SV2C: variants seen among roughly 807,000 people sequenced by gnomAD.
SV2C encodes synaptic vesicle glycoprotein 2C.
SV2C carries 49 observed loss-of-function variants against 79.7 expected under a neutral mutation model. That is an observed-to-expected ratio of 0.61 (90% CI 0.49 to 0.78). SV2C has a LOEUF of 0.78. Among genes scored for constraint, SV2C ranks in the 30% least tolerant of loss-of-function variants. The pLI, the probability that SV2C is intolerant of heterozygous loss-of-function variation, is 0.00. For missense variants in SV2C, 833 were observed against 912.9 expected (o/e 0.91, Z 1.13); for synonymous variants, 334 against 333.2 (o/e 1.00, Z -0.03).
chr5:76,028,915 C>T, the SV2C span, among the ~76,000 whole-genome samples: 1 of 152,300 alleles, frequency 6.6e-6, no homozygotes, highest in Admixed American at 6.5e-5. Context: ...AGTATAGTTG[C>T]AGATTAAATC....
chr5:75,910,950 C>A, the SV2C span: 1 of 912,878 alleles, frequency 1.1e-6, no homozygotes. Context: ...AGCAGGCTCT[C>A]TTTAGTCATT....
chr5:76,321,315 G>T (rs1193805748), intron 12 of SV2C, among the ~76,000 whole-genome samples: 2 of 151,982 alleles, frequency 1.3e-5, no homozygotes, highest in East Asian at 3.9e-4. Context: ...AAAAAACAAG[G>T]TATCCAAAAA....
chr5:76,094,348 T>C (rs1313654977), intron 1 of SV2C, among the ~76,000 whole-genome samples: 1 of 152,204 alleles, frequency 6.6e-6, no homozygotes, highest in Non-Finnish European at 1.5e-5. Context: ...CCAGAGACAC[T>C]GTCCTAATTT....
At chr5:76,295,969 T>G in intron 9 of SV2C, 27 bp downstream of exon 9, 1 of 1,535,592 alleles carries the variant, frequency 6.5e-7, no homozygotes, top group Non-Finnish European at 8.7e-7. Flanking sequence ...TAATTTAATT[T>G]GCTACCTATT....
At chr5:75,995,368 A>G in the SV2C span, among the ~76,000 whole-genome samples, 10 of 152,236 alleles carry the variant, frequency 6.6e-5, no homozygotes, top group African/African-American at 2.2e-4. Flanking sequence ...GCTACCTTCA[A>G]CTAAACTGAG....
chr5:76,175,109 C>T (rs535759872), intron 2 of SV2C, among the ~76,000 whole-genome samples: 25 of 152,160 alleles, frequency 1.6e-4, no homozygotes, highest in Non-Finnish European at 3.4e-4. Flanking sequence ...AAACACTACA[C>T]GGAAAAGAGA....
the SV2C span, among the ~76,000 whole-genome samples, chr5:76,053,590 A>C: frequency 0.06 from 9,089 of 152,276 alleles, 888 homozygotes; most frequent in African/African-American, 0.2. Context: ...AATAAAAGAA[A>C]AAAAAGATTC....
intron 4 of SV2C, among the ~76,000 whole-genome samples, chr5:76,283,748 G>A (rs1300728784): frequency 6.6e-6 from 1 of 152,150 alleles, no homozygotes; most frequent in Non-Finnish European, 1.5e-5. Context: ...AATATAGCAT[G>A]TCATTGATGT....
chr5:75,904,758 C>A, the SV2C span, among the ~76,000 whole-genome samples: 1 of 152,198 alleles, frequency 6.6e-6, no homozygotes. Context: ...GCACTAATGT[C>A]TACAATGCGA....
chr5:76,234,788 T>A (rs1015407527), intron 4 of SV2C, among the ~76,000 whole-genome samples: 2 of 152,194 alleles, frequency 1.3e-5, no homozygotes, highest in African/African-American at 4.8e-5. Flanking sequence ...ATGAAGTATA[T>A]CATAGCCAAT....
chr5:75,886,078 A>G, the SV2C span, among the ~76,000 whole-genome samples: 1 of 152,076 alleles, frequency 6.6e-6, no homozygotes, highest in Admixed American at 6.6e-5. Flanking sequence ...TTTGAATACA[A>G]GCTTCTTCCA....
At chr5:76,117,316 C>T (rs960791152) in intron 1 of SV2C, among the ~76,000 whole-genome samples, 1 of 152,098 alleles carries the variant, frequency 6.6e-6, no homozygotes, top group Non-Finnish European at 1.5e-5. Flanking sequence ...AAATAACTGG[C>T]ACTGTAAGAA....
At chr5:76,091,841 G>A (rs1034731884) in intron 1 of SV2C, 1 of 151,962 alleles carries the variant, frequency 6.6e-6, no homozygotes. Context: ...ATGCTCAGAG[G>A]TATCAGAATA....
intron 4 of SV2C, among the ~76,000 whole-genome samples, chr5:76,227,898 G>A (rs142028779): frequency 3.9e-5 from 6 of 152,156 alleles, no homozygotes; most frequent in East Asian, 1.9e-4. Flanking sequence ...GTCCCATCGC[G>A]GCTCACTTAG....
the SV2C span, among the ~76,000 whole-genome samples, chr5:75,957,525 G>A: frequency 0.24 from 36,536 of 151,990 alleles, 5,828 homozygotes; most frequent in Non-Finnish European, 0.36. Context: ...TGAATGGATA[G>A]CAGTAGCACT....
chr5:76,343,696 TAGAA>T (rs1444238433), intron 12 of SV2C, among the ~76,000 whole-genome samples: 1 of 152,178 alleles, frequency 6.6e-6, no homozygotes, highest in African/African-American at 2.4e-5. Flanking sequence ...ATACACTCAA[TAGAA>T]AGGTTTGCAT....
rs1366651597 is a variant in SV2C at position 76,328,380 on chromosome 5, G to T, written c.*2833G>T. 1.3e-5 allele frequency: 2 copies of T among 152,140 alleles called. No individual in the cohort carries two copies. The highest frequency in any genetic ancestry group is 1.5e-5 in the Non-Finnish European group (1 of 68,036). 9.4% of individuals were successfully genotyped at this position (152,140 alleles called of 1,614,324 possible). A position where few individuals can be genotyped will look rare whatever the true frequency, so the allele number is the denominator to read the frequency against. ...TTGCTCTTTGGAATCAATCCAGAAT[G>T]CTCCCAAGTCCCATTATTATCACAG... On this transcript the variant is annotated 3_prime_UTR_variant, in exon 13 of 13. Coordinates refer to ENST00000502798, the MANE Select transcript of SV2C (RefSeq NM_014979.4).
chr5:75,911,007 C>A, the SV2C span: 1 of 1,028,516 alleles, frequency 9.7e-7, no homozygotes, highest in Non-Finnish European at 1.5e-6. Flanking sequence ...CTTACCTCAC[C>A]TACTAGTCCC....
chr5:75,912,506 G>A, the SV2C span, among the ~76,000 whole-genome samples: 2 of 151,932 alleles, frequency 1.3e-5, no homozygotes, highest in Non-Finnish European at 2.9e-5. Context: ...AAATAAAATA[G>A]TTTTTTCTCC....
Sources: allele counts gnomAD v4.1 joint callset (sites outside exome capture counted in the v4.1 genomes callset), GRCh38; gene constraint gnomAD v4.1.1; transcripts MANE v1.5; gene names NCBI Gene and HGNC (gene_info 2026-07-23, HGNC 2026-07-21).